B3GALNT2: variants seen among roughly 807,000 people sequenced by gnomAD.
B3GALNT2 encodes UDP-GalNAc:beta-1,3-N-acetylgalactosaminyltransferase 2.
Under a neutral mutation model 61.1 loss-of-function variants are expected in B3GALNT2, and 53 were observed. The ratio of observed to expected loss-of-function variants is 0.87; its 90% CI spans 0.70 to 1.09. B3GALNT2 has a LOEUF of 1.09. Among genes scored for constraint, B3GALNT2 ranks in the 50% least tolerant of loss-of-function variants. B3GALNT2 has a pLI of 0.00. For missense variants in B3GALNT2, 544 were observed against 623.0 expected, an observed-to-expected ratio of 0.87 and a Z score of 1.35; for synonymous variants, 223 against 237.4, an observed-to-expected ratio of 0.94 and a Z score of 0.56.
At chr1:235,470,706 A>G in intron 6 of B3GALNT2, 144 bp downstream of exon 6, 1 of 1,269,316 alleles carries the variant, frequency 7.9e-7, no homozygotes, top group Non-Finnish European at 1.0e-6. Flanking sequence ...TATGAAGACA[A>G]CAACATTTGC....
chr1:235,486,323 A>T (rs939262390), intron 3 of B3GALNT2, among the ~76,000 whole-genome samples: 1 of 152,244 alleles, frequency 6.6e-6, no homozygotes, highest in African/African-American at 2.4e-5. Context: ...CATAATGGAC[A>T]ACAATACAAT....
intron 10 of B3GALNT2, among the ~76,000 whole-genome samples, chr1:235,453,541 C>T (rs1372135828): frequency 6.6e-6 from 1 of 152,146 alleles, no homozygotes; most frequent in South Asian, 2.1e-4. Flanking sequence ...CTGCAAACTC[C>T]GCCTCCGGGT....
chr1:235,484,270 G>T (rs1490538695), intron 4 of B3GALNT2, 52 bp downstream of exon 4: 1 of 1,521,710 alleles, frequency 6.6e-7, no homozygotes, highest in Non-Finnish European at 8.8e-7. Context: ...AGGAAAAGTT[G>T]ATGTTTTTGA....
intron 7 of B3GALNT2, among the ~76,000 whole-genome samples, chr1:235,461,452 C>T (rs1683423780): frequency 6.7e-6 from 1 of 149,406 alleles, no homozygotes; most frequent in Admixed American, 6.8e-5. Flanking sequence ...GACCCTGATG[C>T]AGGTAGGCAG....
At chr1:235,474,950 C>CATATATATATATATATATATATATAT (rs1159752267) in intron 5 of B3GALNT2, among the ~76,000 whole-genome samples, 5 of 39,350 alleles carry the variant, frequency 1.3e-4, no homozygotes, top group African/African-American at 1.9e-4. Flanking sequence ...AAATTAGAGA[C>CATATATATATATATATATATATATAT]ATATATATAT....
At position 235,474,969 on chromosome 1, in the gene B3GALNT2, ATATATATATATATATATATTTTTTT is replaced by A. The variant is rs1339458567; in HGVS notation, c.652-4034_652-4010del. Among the ~76,000 whole-genome samples, 32 of 28,778 alleles carry A rather than the reference ATATATATATATATATATATTTTTTT, an allele frequency of 1.1e-3. 5 individuals carry two copies. In the East Asian group the frequency reaches 0.033, roughly 30 times the overall value. The allele number at this position is 28,778 out of a possible 152,430, so 18.9% of individuals were successfully genotyped here. On this transcript the variant is annotated intron_variant, in intron 5 of 11. Transcript: ENST00000366600. Reference sequence around the variant, plus strand: ...TAGAGACATATATATATATATATATATATATATATATATATATATTTTTTTTTTTTTTTTTTTTTTTGAGACGGAG... The same window carrying A: ...TAGAGACATATATATATATATATATATTTTTTTTTTTTTTTTGAGACGGAG...
At chr1:235,474,987 ATTTT>A (rs1160445883) in intron 5 of B3GALNT2, among the ~76,000 whole-genome samples, 35 of 35,554 alleles carry the variant, frequency 9.8e-4, no homozygotes, top group African/African-American at 2.1e-3. Flanking sequence ...ATATATATAT[ATTTT>A]TTTTTTTTTT....
At chr1:235,459,833 G>A (rs1434167449) in intron 7 of B3GALNT2, among the ~76,000 whole-genome samples, 1 of 151,952 alleles carries the variant, frequency 6.6e-6, no homozygotes, top group Non-Finnish European at 1.5e-5. Flanking sequence ...TCACTCTGTT[G>A]CCCAGGCTGG....
chr1:235,498,109 A>G (rs988427889), intron 1 of B3GALNT2, among the ~76,000 whole-genome samples: 1 of 152,208 alleles, frequency 6.6e-6, no homozygotes, highest in Non-Finnish European at 1.5e-5. Context: ...ACCACATACC[A>G]TTAATGTAAA....
intron 1 of B3GALNT2, among the ~76,000 whole-genome samples, 191 bp downstream of exon 1, chr1:235,503,950 A>C (rs1417598565): frequency 6.6e-6 from 1 of 152,202 alleles, no homozygotes; most frequent in Non-Finnish European, 1.5e-5. Flanking sequence ...GGGGACACGA[A>C]AAGAGAAAAG....
At chr1:235,502,030 GA>G (rs1183600135) in intron 1 of B3GALNT2, among the ~76,000 whole-genome samples, 1 of 152,166 alleles carries the variant, frequency 6.6e-6, no homozygotes, top group Non-Finnish European at 1.5e-5. Context: ...TAATTATTTT[GA>G]GATGGACTTT....
rs913369732 is a variant in B3GALNT2 at position 235,496,408 on chromosome 1, AATTTATTTTTAAATAAATT to A, written c.113-1599_113-1581del. 5 of 739,328 alleles carry A rather than the reference AATTTATTTTTAAATAAATT, an allele frequency of 6.8e-6. No homozygotes were observed. The African/African-American group carries it at 9.6e-5, about 14-fold the overall frequency. 45.8% of individuals were successfully genotyped at this position (739,328 alleles called of 1,614,324 possible). On this transcript the variant is annotated intron_variant, in intron 1 of 11. Transcript: ENST00000366600. ...CTAAAACGAATTCTTTTATAAAGAC[AATTTATTTTTAAATAAATT>A]CAAATTTTCATGGATTAAGCTTATT...
intron 5 of B3GALNT2, among the ~76,000 whole-genome samples, chr1:235,474,977 ATATATATATAT>A (rs1217293839): frequency 1.3e-4 from 4 of 29,940 alleles, no homozygotes; most frequent in African/African-American, 6.5e-4. Context: ...ATATATATAT[ATATATATATAT>A]TTTTTTTTTT....
At position 235,470,972 on chromosome 1, in the gene B3GALNT2, A is replaced by G. The variant is rs2102815609; in HGVS notation, c.652-12T>C. 1 of 1,612,880 alleles carries G rather than the reference A, an allele frequency of 6.2e-7. No individual in the cohort carries two copies. Among genetic ancestry groups the G allele is most frequent in the Non-Finnish European group, 8.5e-7 (1 of 1,179,410 alleles). On this transcript the variant is annotated splice_polypyrimidine_tract_variant and intron_variant, in intron 5 of 11. Coordinates refer to ENST00000366600, the MANE Select transcript of B3GALNT2 (RefSeq NM_152490.5). ...GTACCTTCAAAGCTCTTTTGTAGAA[A>G]GATGAATAGTGAGTCAATTTCCTTA...
In B3GALNT2 at chr1:235,448,240, A is replaced by AAT; in HGVS notation, c.*1965_*1966insAT. Reference sequence around the variant, plus strand: ...AGTCTCAAAAAAAAAAAAAAAAAAAAGACAGATACAGCTATCATTGCAATG... The same window carrying AAT: ...AGTCTCAAAAAAAAAAAAAAAAAAAAATGACAGATACAGCTATCATTGCAATG... On this transcript the variant is annotated 3_prime_UTR_variant, in exon 12 of 12. Coordinates refer to ENST00000366600, the MANE Select transcript of B3GALNT2 (RefSeq NM_152490.5). 1 of 813,602 alleles carries AAT rather than the reference A, an allele frequency of 1.2e-6. No homozygotes were observed. The allele number at this position is 813,602 out of a possible 1,614,324, so 50.4% of individuals were successfully genotyped here.
chr1:235,496,283 C>T (rs1490197893), intron 1 of B3GALNT2: 1 of 663,826 alleles, frequency 1.5e-6, no homozygotes, highest in Non-Finnish European at 2.1e-6. Flanking sequence ...TGCACTCCAG[C>T]CTGGGCAACA....
rs1289062755 is a variant in B3GALNT2, at chr1:235,449,521, G to A, written c.*685C>T. On this transcript the variant is annotated 3_prime_UTR_variant, in exon 12 of 12. Transcript: ENST00000366600. The stretch of plus-strand genomic sequence containing the variant: ...ATTTAAAAACTATGAGTACTAAACT[G>A]TGACCTTCAGGATTTATGTTAGATG... The A allele has an allele frequency of 1.3e-5, 2 of 152,482 alleles. No individual in the cohort carries two copies. Among genetic ancestry groups the A allele is most frequent in the Non-Finnish European group, 1.5e-5 (1 of 68,274 alleles). The allele number at this position is 152,482 out of a possible 1,614,324, so 9.4% of individuals were successfully genotyped here. A position where few individuals can be genotyped will look rare whatever the true frequency, so the allele number is the denominator to read the frequency against.
chr1:235,470,881 T>C lies in B3GALNT2; in HGVS notation c.731A>G (p.Asn244Ser), dbSNP rs964504664. 6.2e-7 allele frequency: 1 copy of C among 1,614,092 alleles called. No individual in the cohort carries two copies. The highest frequency in any genetic ancestry group is 8.5e-7 in the Non-Finnish European group (1 of 1,179,992). Reference protein sequence around the residue: ...VSRNLHKVTVNDGGGVLRVIT... With the variant: ...VSRNLHKVTVSDGGGVLRVIT... ...GACTCTGAGAACTCCCCCTCCATCA[T>C]TCACTGTCACTTTGTGGAGATTTCT... Residue 244 changes from asparagine (N) to serine (S), a missense_variant, in exon 6 of 12, where the codon AAT becomes AGT. Physicochemically the swap from Asn to Ser is conservative, Grantham distance 46. Transcript: ENST00000366600.
In B3GALNT2 at chr1:235,487,158, T is replaced by C. The variant is rs559779617; in HGVS notation, c.361+2010A>G. Among the ~76,000 whole-genome samples the C allele has an allele frequency of 6.0e-5, 8 of 134,272 alleles. No homozygotes were observed. In the South Asian group the frequency reaches 1.8e-3, roughly 30 times the overall value. 88.1% of individuals were successfully genotyped at this position (134,272 alleles called of 152,430 possible). ...TCTGGGTGACAAGAGCGAAACTCTGTCTCCAAAAAAAAAAAAAAGACAAGA... is the reference window on the plus strand; with the variant it reads ...TCTGGGTGACAAGAGCGAAACTCTGCCTCCAAAAAAAAAAAAAAGACAAGA... On this transcript the variant is annotated intron_variant, in intron 3 of 11. Transcript: ENST00000366600.
Sources: gnomAD v4.1 joint callset for allele counts (sites outside exome capture counted in the v4.1 genomes callset) on GRCh38, gnomAD v4.1.1 for gene constraint, MANE v1.5 for transcripts, NCBI Gene and HGNC (gene_info 2026-07-23, HGNC 2026-07-21) for gene names.